RALYL: variants seen among roughly 807,000 people sequenced by gnomAD.
RALYL encodes the protein RNA-binding Raly-like protein.
In RALYL, 29 loss-of-function variants were observed where a neutral mutation model predicts 35.1. That is an observed-to-expected ratio of 0.83 (90% CI 0.61 to 1.13). RALYL has a LOEUF of 1.13. Ranked by LOEUF, RALYL falls within the 50% of genes most tolerant of loss-of-function variation. The pLI is 0.00. For missense variants in RALYL, 359 were observed against 360.4 expected (o/e 1.00, Z 0.03); for synonymous variants, 120 against 127.6 (o/e 0.94, Z 0.40).
At chr8:84,775,307 T>C (rs1223153858) in intron 3 of RALYL, among the ~76,000 whole-genome samples, 5 of 152,168 alleles carry the variant, frequency 3.3e-5, no homozygotes, top group African/African-American at 9.7e-5. Context: ...TTACATATGT[T>C]GTTTAATTTA....
chr8:84,649,013 T>G (rs1383741990), intron 2 of RALYL, among the ~76,000 whole-genome samples: 2 of 151,976 alleles, frequency 1.3e-5, no homozygotes, highest in Non-Finnish European at 2.9e-5. Context: ...AAATATTTGT[T>G]AAATGAATTT....
intron 1 of RALYL, among the ~76,000 whole-genome samples, chr8:84,300,116 C>T (rs1337236121): frequency 6.6e-6 from 1 of 151,958 alleles, no homozygotes; most frequent in Non-Finnish European, 1.5e-5. Context: ...AGATGTATTC[C>T]AGAGATTCTA....
At chr8:84,730,151 C>A (rs1355951009) in intron 2 of RALYL, among the ~76,000 whole-genome samples, 3 of 152,106 alleles carry the variant, frequency 2.0e-5, no homozygotes, top group South Asian at 2.1e-4. Context: ...TACTGGCAAA[C>A]CAAATCCAGC....
chr8:84,678,029 C>G (rs2131919889), intron 2 of RALYL, among the ~76,000 whole-genome samples: 1 of 152,232 alleles, frequency 6.6e-6, no homozygotes, highest in East Asian at 1.9e-4. Context: ...AGTGATATTA[C>G]TTTTCTCTTA....
chr8:84,872,270 G>T (rs1840324303), intron 6 of RALYL, among the ~76,000 whole-genome samples: 1 of 152,090 alleles, frequency 6.6e-6, no homozygotes, highest in Non-Finnish European at 1.5e-5. Flanking sequence ...TCAGTCAAAA[G>T]ATTTAGGATT....
At chr8:84,314,373 G>T (rs1490315234) in intron 1 of RALYL, among the ~76,000 whole-genome samples, 1 of 151,724 alleles carries the variant, frequency 6.6e-6, no homozygotes, top group Non-Finnish European at 1.5e-5. Flanking sequence ...ATTTTAAATT[G>T]AGCAAATAAA....
intron 2 of RALYL, chr8:84,679,601 G>T: frequency 2.2e-6 from 1 of 458,898 alleles, no homozygotes; most frequent in South Asian, 1.7e-5. Flanking sequence ...TATCTTCTTT[G>T]ATGAAACTGA....
chr8:84,721,137 G>T (rs951559098), intron 2 of RALYL, among the ~76,000 whole-genome samples: 2 of 151,932 alleles, frequency 1.3e-5, no homozygotes, highest in Admixed American at 6.6e-5. Context: ...GGAGGCTGAG[G>T]CAGGAGGATA....
chr8:84,828,999 T>G (rs947381548), intron 4 of RALYL: 1 of 151,972 alleles, frequency 6.6e-6, no homozygotes, highest in African/African-American at 2.4e-5. Context: ...ATTTTCATAC[T>G]GCTATGAAGA....
rs181218790 is a variant in RALYL at position 84,638,761 on chromosome 8, T to C, written c.256+109184T>C. On this transcript the variant is annotated intron_variant, in intron 2 of 8. Transcript: ENST00000521268. ...TAAACAATGAGCAGAATACCAGTTA[T>C]ATTGTATATGAGAGTCTTATCTGTA... 1.2e-3 allele frequency among the ~76,000 whole-genome samples: 181 copies of C among 150,872 alleles called. 1 individual carries two copies. Among genetic ancestry groups the C allele is most frequent in the African/African-American group, 3.4e-3 (139 of 41,094 alleles).
chr8:84,753,966 G>A (rs561875931), intron 2 of RALYL, among the ~76,000 whole-genome samples: 11 of 151,876 alleles, frequency 7.2e-5, no homozygotes, highest in Admixed American at 2.6e-4. Flanking sequence ...CATGTCCTTC[G>A]CCCACTTTTT....
chr8:84,769,353 G>T (rs1211147616), intron 2 of RALYL, among the ~76,000 whole-genome samples: 1 of 152,112 alleles, frequency 6.6e-6, no homozygotes. Flanking sequence ...CAGCTTTGAA[G>T]CTCTAATGGG....
intron 1 of RALYL, among the ~76,000 whole-genome samples, chr8:84,189,264 A>AAT: frequency 6.6e-6 from 1 of 152,326 alleles, no homozygotes; most frequent in African/African-American, 2.4e-5. Context: ...TCTGTGCATA[A>AAT]ATATGTTTGG....
intron 1 of RALYL, among the ~76,000 whole-genome samples, chr8:84,197,503 C>T (rs1033224553): frequency 6.6e-6 from 1 of 152,128 alleles, no homozygotes; most frequent in Admixed American, 6.5e-5. Context: ...TATTAACAAC[C>T]ACCAAAACAA....
At chr8:84,438,850 C>T (rs930222201) in intron 1 of RALYL, among the ~76,000 whole-genome samples, 1 of 152,074 alleles carries the variant, frequency 6.6e-6, no homozygotes, top group African/African-American at 2.4e-5. Flanking sequence ...GTTCTTTCCC[C>T]ATTGCTTGTT....
chr8:84,440,852 C>CA (rs1019540340), intron 1 of RALYL, among the ~76,000 whole-genome samples: 2 of 151,880 alleles, frequency 1.3e-5, no homozygotes, highest in African/African-American at 2.4e-5. Context: ...TTTAGGTGAA[C>CA]ATAAGTTTTC....
At chr8:84,414,786 A>G (rs2044466083) in intron 1 of RALYL, among the ~76,000 whole-genome samples, 1 of 151,694 alleles carries the variant, frequency 6.6e-6, no homozygotes, top group African/African-American at 2.4e-5. Flanking sequence ...TTATAAAAAT[A>G]TTGTTCTAAA....
intron 2 of RALYL, among the ~76,000 whole-genome samples, chr8:84,537,867 A>G (rs776230073): frequency 6.6e-6 from 1 of 152,194 alleles, no homozygotes; most frequent in East Asian, 1.9e-4. Context: ...TTCTTCCAAT[A>G]TTGTGCATAA....
chr8:84,731,803 C>G (rs556153800), intron 2 of RALYL, among the ~76,000 whole-genome samples: 30 of 152,144 alleles, frequency 2.0e-4, no homozygotes, highest in African/African-American at 6.7e-4. Context: ...TTAAAAAAAC[C>G]AAAGTCCTTC....
Sources: gnomAD v4.1 joint callset for allele counts (sites outside exome capture counted in the v4.1 genomes callset) on GRCh38, gnomAD v4.1.1 for gene constraint, MANE v1.5 for transcripts, NCBI Gene and HGNC (gene_info 2026-07-23, HGNC 2026-07-21) for gene names.